Variants in ADARB2 observed in about 807,000 individuals in gnomAD.
ADARB2 encodes the protein inactive double-stranded RNA-specific editase B2.
ADARB2 carries 25 observed loss-of-function variants against 62.2 expected under a neutral mutation model. The ratio of observed to expected loss-of-function variants is 0.40; its 90% CI spans 0.29 to 0.56. The LOEUF (loss-of-function observed/expected upper bound fraction) is 0.56. ADARB2 is among the 20% of genes least tolerant of loss of function. The pLI, the probability that ADARB2 is intolerant of heterozygous loss-of-function variation, is 0.43. For synonymous variants in ADARB2, 572 were observed against 500.8 expected (o/e 1.14, Z -1.90); for missense variants, 1,071 against 1,077.4 (o/e 0.99, Z 0.08).
At chr10:1,696,971 A>AT (rs11404553) in intron 1 of ADARB2, among the ~76,000 whole-genome samples, 45,957 of 149,760 alleles carry the variant, frequency 0.31, 7,113 homozygotes, top group Middle Eastern at 0.41. Context: ...TTATTTTGTG[A>AT]TTTTTTTTTT....
chr10:1,221,663 C>A lies in ADARB2; in HGVS notation c.1514-4544G>T, dbSNP rs563748665. On this transcript the variant is annotated intron_variant, in intron 6 of 9. Coordinates refer to ENST00000381312, the MANE Select transcript of ADARB2 (RefSeq NM_018702.4). Reference sequence around the variant, plus strand: ...ATTCCCATCTATGAGTGAGAACATGCGGTGTTTGGTTTTTTGTCCTTGCGA... The same window carrying A: ...ATTCCCATCTATGAGTGAGAACATGAGGTGTTTGGTTTTTTGTCCTTGCGA... 2.0e-5 allele frequency among the ~76,000 whole-genome samples: 3 copies of A among 150,948 alleles called. No homozygotes were observed. In the South Asian group the frequency reaches 6.3e-4, roughly 32 times the overall value.
At chr10:1,383,537 C>T (rs573456402) in intron 1 of ADARB2, among the ~76,000 whole-genome samples, 3 of 152,104 alleles carry the variant, frequency 2.0e-5, no homozygotes, top group South Asian at 2.1e-4. Flanking sequence ...CTGAATTCAT[C>T]GCCTTCCCCA....
In ADARB2 at chr10:1,694,350, G is replaced by T. The variant is rs532552898; in HGVS notation, c.100+42701C>A. 3.9e-5 allele frequency among the ~76,000 whole-genome samples: 6 copies of T among 152,326 alleles called. No individual in the cohort carries two copies. In the East Asian group the frequency reaches 1.2e-3, roughly 29 times the overall value. On this transcript the variant is annotated intron_variant, in intron 1 of 9. Coordinates refer to ENST00000381312, the MANE Select transcript of ADARB2 (RefSeq NM_018702.4). The stretch of plus-strand genomic sequence containing the variant: ...TGCTATTTAGCTAATCCATTGCCTT[G>T]CAAACTGTCAGGTAGAAGACAATCT...
chr10:1,646,519 G>A (rs11250699), intron 1 of ADARB2, among the ~76,000 whole-genome samples: 34,563 of 152,218 alleles, frequency 0.23, 4,291 homozygotes, highest in Middle Eastern at 0.32. Context: ...GGCTTTAGCC[G>A]CTGGTGGGCG....
rs1836619267 is a variant in ADARB2, at chr10:1,178,489, TCACCAGCA to T, written c.*4696_*4703del. 1 of 152,084 alleles carries T rather than the reference TCACCAGCA, an allele frequency of 6.6e-6. No homozygotes were observed. Among genetic ancestry groups the T allele is most frequent in the Admixed American group, 6.5e-5 (1 of 15,270 alleles). The allele number at this position is 152,084 out of a possible 1,614,324, so 9.4% of individuals were successfully genotyped here. On this transcript the variant is annotated 3_prime_UTR_variant, in exon 10 of 10. Transcript: ENST00000381312. ...GAATTTGTGGGAGAAGTTTGACGGG[TCACCAGCA>T]GCCCAGTGTTTCCAGAAACAGCCCT...
At chr10:1,327,539 TGCCCAGCGCCTCCTCACG>T (rs1831879603) in intron 3 of ADARB2, among the ~76,000 whole-genome samples, 4 of 47,774 alleles carry the variant, frequency 8.4e-5, no homozygotes, top group African/African-American at 2.6e-4. Flanking sequence ...GCCTCCTCAC[TGCCCAGCGCCTCCTCACG>T]GCCCAGCGCC....
In ADARB2 at chr10:1,283,413, A is replaced by G. The variant is rs546493291; in HGVS notation, c.1078-12344T>C. Reference sequence around the variant, plus strand: ...TGCAATGATCTCTATATTTGTTAACAATCCTGTGAATTAATGGTAGTGTGC... The same window carrying G: ...TGCAATGATCTCTATATTTGTTAACGATCCTGTGAATTAATGGTAGTGTGC... On this transcript the variant is annotated intron_variant, in intron 3 of 9. Coordinates refer to ENST00000381312, the MANE Select transcript of ADARB2 (RefSeq NM_018702.4). 2.0e-5 allele frequency among the ~76,000 whole-genome samples: 3 copies of G among 152,332 alleles called. No homozygotes were observed. In the East Asian group the frequency reaches 5.8e-4, roughly 29 times the overall value.
At chr10:1,679,678 G>A (rs1234197256) in intron 1 of ADARB2, among the ~76,000 whole-genome samples, 1 of 152,116 alleles carries the variant, frequency 6.6e-6, no homozygotes, top group African/African-American at 2.4e-5. Flanking sequence ...GGAGCACTCC[G>A]GTTTCCAGAG....
chr10:1,640,103 G>A (rs554435055), intron 1 of ADARB2, among the ~76,000 whole-genome samples: 93 of 152,344 alleles, frequency 6.1e-4, no homozygotes, highest in African/African-American at 2.0e-3. Context: ...CATACCTCTA[G>A]TGATGGGGAA....
At position 1,398,465 on chromosome 10, in the gene ADARB2, C is replaced by T. The variant is rs1419025584; in HGVS notation, c.101-19305G>A. Among the ~76,000 whole-genome samples, 1 of 152,042 alleles carries T rather than the reference C, an allele frequency of 6.6e-6. No homozygotes were observed. The highest frequency in any genetic ancestry group is 1.5e-5 in the Non-Finnish European group (1 of 68,002). ...GGTCCTCCCACTCGCTCCTGTTTTT[C>T]AGGGCCCCTCCTCTCCCTGTGGAGC... On this transcript the variant is annotated intron_variant, in intron 1 of 9. Transcript: ENST00000381312. This position sits in a 1 kb window ranked among gnomAD's most constrained non-coding sequence, Gnocchi z 4.1.
intron 1 of ADARB2, among the ~76,000 whole-genome samples, chr10:1,504,115 T>C (rs1308261398): frequency 2.0e-5 from 3 of 152,222 alleles, no homozygotes; most frequent in Non-Finnish European, 4.4e-5. Flanking sequence ...GGAAGTGGCA[T>C]GTTCAGTGAA....
In ADARB2 at chr10:1,379,128, G is replaced by A. The variant is rs759718803; in HGVS notation, c.133C>T (p.Pro45Ser). 1 of 1,613,946 alleles carries A rather than the reference G, an allele frequency of 6.2e-7. No homozygotes were observed. Among genetic ancestry groups the A allele is most frequent in the Non-Finnish European group, 8.5e-7 (1 of 1,179,864 alleles). Residue 45 changes from proline to serine, a missense_variant, in exon 2 of 10, where the codon CCT becomes TCT. Pro to Ser is a moderately conservative substitution (Grantham distance 74). Transcript: ENST00000381312. Reference sequence around the variant, plus strand: ...ATGCCAGGACTCAGGTGCTTGAAAGGAGCGAGGAAGGTTGACAATATGCTT... The same window carrying A: ...ATGCCAGGACTCAGGTGCTTGAAAGAAGCGAGGAAGGTTGACAATATGCTT... ...KVSILSTFLA[P>S]FKHLSPGITN...
chr10:1,339,046 A>G (rs145966402), intron 3 of ADARB2, among the ~76,000 whole-genome samples: 2 of 152,216 alleles, frequency 1.3e-5, no homozygotes, highest in Non-Finnish European at 2.9e-5. Context: ...GTTGGATAGG[A>G]TGTATCTTTC....
chr10:1,735,037 C>T (rs531343412), intron 1 of ADARB2, among the ~76,000 whole-genome samples: 153 of 152,272 alleles, frequency 1.0e-3, no homozygotes, highest in African/African-American at 3.5e-3. Flanking sequence ...ACATGGTTAA[C>T]GTTTCCCCAA....
intron 1 of ADARB2, among the ~76,000 whole-genome samples, chr10:1,442,546 C>T (rs556230108): frequency 6.6e-6 from 1 of 152,204 alleles, no homozygotes; most frequent in Non-Finnish European, 1.5e-5. Context: ...GCTACTCTCT[C>T]AGTTCAAATA....
chr10:1,513,602 G>T (rs941955809), intron 1 of ADARB2, among the ~76,000 whole-genome samples: 1 of 152,196 alleles, frequency 6.6e-6, no homozygotes, highest in Admixed American at 6.5e-5. Flanking sequence ...CCAGACACAC[G>T]GCAGTGCTGG....
chr10:1,578,839 C>G (rs1208768950), intron 1 of ADARB2, among the ~76,000 whole-genome samples: 2 of 152,136 alleles, frequency 1.3e-5, no homozygotes, highest in Non-Finnish European at 2.9e-5. Context: ...CTACAAACAC[C>G]ACCAGCACCC....
chr10:1,735,797 G>T (rs1374180733), intron 1 of ADARB2, among the ~76,000 whole-genome samples: 1 of 152,210 alleles, frequency 6.6e-6, no homozygotes, highest in African/African-American at 2.4e-5. Context: ...CAGTGGTCCT[G>T]ACGTTCGGTC....
chr10:1,220,176 G>A (rs149257733), intron 6 of ADARB2, among the ~76,000 whole-genome samples: 4 of 75,082 alleles, frequency 5.3e-5, no homozygotes, highest in Non-Finnish European at 9.1e-5. Flanking sequence ...TGATGGTGGT[G>A]ATGATGGTGG....
Sources: gnomAD v4.1 joint callset for allele counts (sites outside exome capture counted in the v4.1 genomes callset) on GRCh38, gnomAD v4.1.1 for gene constraint, Gnocchi (gnomAD v3.1) non-coding constraint, MANE v1.5 for transcripts, NCBI Gene and HGNC (gene_info 2026-07-23, HGNC 2026-07-21) for gene names.